The following NELL1 variants were observed in gnomAD, a reference collection of about 807,000 sequenced individuals.
NELL1 encodes the protein neural EGFL like 1, also known as protein kinase C-binding protein NELL1.
NELL1 carries 76 observed loss-of-function variants against 107.4 expected under a neutral mutation model. The ratio of observed to expected loss-of-function variants is 0.71; its 90% CI spans 0.59 to 0.86. The LOEUF (loss-of-function observed/expected upper bound fraction) is 0.86. Ranked by LOEUF, NELL1 falls within the 40% of genes least tolerant of loss-of-function variation. NELL1 has a pLI of 0.00. For missense variants in NELL1, 1,024 were observed against 1,005.5 expected (o/e 1.02, Z -0.25); for synonymous variants, 353 against 341.2 (o/e 1.03, Z -0.38).
At chr11:20,975,158 G>A (rs533410680) in intron 12 of NELL1, among the ~76,000 whole-genome samples, 17 of 151,372 alleles carry the variant, frequency 1.1e-4, no homozygotes, top group African/African-American at 4.1e-4. Flanking sequence ...ATAGGTGCCC[G>A]CCACCATGCC....
At chr11:21,062,075 C>A (rs1853755731) in intron 12 of NELL1, among the ~76,000 whole-genome samples, 1 of 152,122 alleles carries the variant, frequency 6.6e-6, no homozygotes, top group African/African-American at 2.4e-5. Context: ...AACTATGCAT[C>A]CAATATGGTG....
chr11:21,534,335 A>G (rs1308210266), intron 15 of NELL1, 39 bp from the exon 16 acceptor site: 3 of 1,612,578 alleles, frequency 1.9e-6, no homozygotes, highest in Non-Finnish European at 2.5e-6. Context: ...GTCAAAAGAA[A>G]TTAATATCCT....
intron 2 of NELL1, among the ~76,000 whole-genome samples, chr11:20,695,663 A>T (rs1280506212): frequency 2.0e-5 from 3 of 152,002 alleles, no homozygotes; most frequent in African/African-American, 4.8e-5. Flanking sequence ...GTGCTACTGG[A>T]TTCTGTTTGC....
At chr11:20,996,246 A>G (rs1355297869) in intron 12 of NELL1, among the ~76,000 whole-genome samples, 2 of 152,142 alleles carry the variant, frequency 1.3e-5, no homozygotes, top group Non-Finnish European at 2.9e-5. Flanking sequence ...AAGCTTCCTC[A>G]CAGCTTTTGG....
chr11:21,144,528 T>G (rs1855935117), intron 13 of NELL1, among the ~76,000 whole-genome samples: 1 of 151,970 alleles, frequency 6.6e-6, no homozygotes, highest in Non-Finnish European at 1.5e-5. Context: ...GAGATAAAGG[T>G]TTTGTTAGCA....
chr11:20,750,778 G>A (rs780820672), intron 2 of NELL1, among the ~76,000 whole-genome samples: 1 of 151,900 alleles, frequency 6.6e-6, no homozygotes, highest in Non-Finnish European at 1.5e-5. Context: ...TGTAGAGATG[G>A]GGTTTCACAA....
At chr11:20,894,988 C>CTTCATCCTTGCTCCA in intron 5 of NELL1, among the ~76,000 whole-genome samples, 22 of 150,942 alleles carry the variant, frequency 1.5e-4, no homozygotes, top group African/African-American at 5.2e-4. Context: ...ATTATTCCCT[C>CTTCATCCTTGCTCCA]TGGCCGGGCG....
intron 7 of NELL1, among the ~76,000 whole-genome samples, chr11:20,923,356 A>T (rs1850422174): frequency 6.6e-6 from 1 of 152,194 alleles, no homozygotes; most frequent in Non-Finnish European, 1.5e-5. Context: ...CATTCAGGTG[A>T]CAGAGGTCAG....
intron 12 of NELL1, among the ~76,000 whole-genome samples, chr11:20,968,501 C>G (rs949771347): frequency 2.2e-4 from 34 of 152,144 alleles, no homozygotes; most frequent in African/African-American, 8.2e-4. Context: ...CCCACTTTTG[C>G]TAATACTCAG....
At chr11:21,323,920 C>A (rs1850069845) in intron 14 of NELL1, among the ~76,000 whole-genome samples, 2 of 152,032 alleles carry the variant, frequency 1.3e-5, no homozygotes, top group Admixed American at 1.3e-4. Flanking sequence ...TACTGTCCAC[C>A]CCCTAACTCC....
intron 14 of NELL1, among the ~76,000 whole-genome samples, chr11:21,342,973 T>G (rs1850607082): frequency 6.6e-6 from 1 of 152,120 alleles, no homozygotes; most frequent in African/African-American, 2.4e-5. Flanking sequence ...TTGTTCTTCT[T>G]TTAATACTGT....
At chr11:21,561,924 G>A (rs1856859412) in intron 17 of NELL1, among the ~76,000 whole-genome samples, 1 of 152,032 alleles carries the variant, frequency 6.6e-6, no homozygotes, top group Non-Finnish European at 1.5e-5. Context: ...AATTCCTCAT[G>A]GAAGAGGATG....
At chr11:21,253,545 G>A (rs866121197) in intron 14 of NELL1, among the ~76,000 whole-genome samples, 105 of 152,066 alleles carry the variant, frequency 6.9e-4, no homozygotes, top group African/African-American at 2.5e-3. Flanking sequence ...AGATTCAAAT[G>A]CAGATTCTCT....
intron 12 of NELL1, among the ~76,000 whole-genome samples, chr11:20,986,659 C>G (rs1851859118): frequency 6.6e-6 from 1 of 152,140 alleles, no homozygotes; most frequent in South Asian, 2.1e-4. Context: ...CAGCATCCTT[C>G]CCGTATTTCT....
At chr11:20,776,600 G>A (rs1186004239) in intron 2 of NELL1, among the ~76,000 whole-genome samples, 2 of 152,078 alleles carry the variant, frequency 1.3e-5, no homozygotes, top group Non-Finnish European at 2.9e-5. Context: ...GCCTGGGGTG[G>A]TCAGAGAAAA....
chr11:20,976,897 A>G (rs1851648169), intron 12 of NELL1, among the ~76,000 whole-genome samples: 1 of 152,230 alleles, frequency 6.6e-6, no homozygotes, highest in Non-Finnish European at 1.5e-5. Flanking sequence ...TCTTTAACGC[A>G]AACTCCTACA....
intron 15 of NELL1, among the ~76,000 whole-genome samples, chr11:21,444,234 A>C (rs1300930667): frequency 6.6e-6 from 1 of 152,198 alleles, no homozygotes; most frequent in Non-Finnish European, 1.5e-5. Context: ...ACTGGTGAAC[A>C]CAGAAGGATA....
intron 5 of NELL1, among the ~76,000 whole-genome samples, chr11:20,916,841 C>T (rs1850269252): frequency 6.6e-6 from 1 of 151,826 alleles, no homozygotes; most frequent in Non-Finnish European, 1.5e-5. Flanking sequence ...AACATGAGTG[C>T]TGGGTGGATC....
intron 14 of NELL1, among the ~76,000 whole-genome samples, chr11:21,362,587 T>C (rs950434947): frequency 3.3e-5 from 5 of 150,758 alleles, no homozygotes; most frequent in African/African-American, 1.2e-4. Flanking sequence ...AGTTATTCTG[T>C]CCTGAATTGC....
Sources: allele counts gnomAD v4.1 joint callset (sites outside exome capture counted in the v4.1 genomes callset), GRCh38; gene constraint gnomAD v4.1.1; transcripts MANE v1.5; gene names NCBI Gene and HGNC (gene_info 2026-07-23, HGNC 2026-07-21).